Variants in FHIP2B observed in about 807,000 individuals in gnomAD.
The protein encoded by FHIP2B is FHF complex subunit HOOK interacting protein 2B, also known as FHF complex subunit HOOK-interacting protein 2B.
Under a neutral mutation model 84.0 loss-of-function variants are expected in FHIP2B, and 72 were observed. The ratio of observed to expected loss-of-function variants is 0.86; its 90% CI spans 0.71 to 1.04. The LOEUF is 1.04. Ranked by LOEUF, FHIP2B falls within the 50% of genes least tolerant of loss-of-function variation. The pLI is 0.00. For synonymous variants in FHIP2B, 497 were observed against 418.7 expected, an observed-to-expected ratio of 1.19 and a Z score of -2.28; for missense variants, 972 against 968.9, an observed-to-expected ratio of 1.00 and a Z score of -0.04.
chr8:22,098,264 C>G lies in FHIP2B; in HGVS notation c.722C>G (p.Thr241Arg). Residue 241 changes from threonine to arginine, a missense_variant, in exon 6 of 17, where the codon ACA (threonine) becomes AGA (arginine). Transcript: ENST00000289921. ...ACCGAGGAGCTGGACGGTGGGACCA[C>G]AGAGAGCAACCTGATTACCTCCCTG... ...AETEELDGGT[T>R]ESNLITSLLG... 1 of 1,588,800 alleles carries G rather than the reference C, an allele frequency of 6.3e-7. No individual in the cohort carries two copies. The highest frequency in any genetic ancestry group is 8.6e-7 in the Non-Finnish European group (1 of 1,168,950).
intron 13 of FHIP2B, 21 bp downstream of exon 13, chr8:22,101,551 G>A (rs1450380428): frequency 6.2e-7 from 1 of 1,603,948 alleles, no homozygotes; most frequent in South Asian, 1.1e-5. Flanking sequence ...CCTGCTACCA[G>A]CTCCCACTTC....
intron 3 of FHIP2B, 133 bp downstream of exon 3, chr8:22,096,642 AGGTGGGC>A: frequency 3.8e-6 from 5 of 1,314,176 alleles, no homozygotes; most frequent in Non-Finnish European, 5.0e-6. Context: ...GGCCAGGCTG[AGGTGGGC>A]GGTGGGCAGT....
intron 10 of FHIP2B, chr8:22,100,147 C>T (rs1826024758): frequency 2.1e-6 from 1 of 470,818 alleles, no homozygotes; most frequent in African/African-American, 2.1e-5. Context: ...TAACTCACTG[C>T]AGTCTCCAAC....
In FHIP2B at chr8:22,099,304, G is replaced by A. The variant is rs766671478; in HGVS notation, c.1095G>A (p.Ala365=). The change falls in exon 9 of 17, where the codon GCG becomes GCA. Residue 365 remains alanine (A), a synonymous_variant. Transcript: ENST00000289921. ...EAHTVVADAL[A]KAVAENFFVE... is the part of the protein sequence containing the mutation. ...CCCAGGTGGTTGCGGACGCCTTGGC[G>A]AAGGCTGTGGCTGAGAACTTCTTCG... 2.0e-5 allele frequency: 32 copies of A among 1,613,642 alleles called. No homozygotes were observed. Among genetic ancestry groups the A allele is most frequent in the Non-Finnish European group, 2.5e-5 (30 of 1,179,856 alleles).
rs1826243381 is a variant in FHIP2B at position 22,103,581 on chromosome 8, G to T, written c.*650G>T. 2 of 152,454 alleles carry T rather than the reference G, an allele frequency of 1.3e-5. No individual in the cohort carries two copies. Among genetic ancestry groups the T allele is most frequent in the Admixed American group, 1.3e-4 (2 of 15,292 alleles). 9.4% of individuals were successfully genotyped at this position (152,454 alleles called of 1,614,324 possible). A position where few individuals can be genotyped will look rare whatever the true frequency, so the allele number is the denominator to read the frequency against. On this transcript the variant is annotated 3_prime_UTR_variant, in exon 17 of 17. Coordinates refer to ENST00000289921, the MANE Select transcript of FHIP2B (RefSeq NM_022749.7). ...GGGGGCCCCTGCTAATGAGAACCTT[G>T]GTGCAGCTGCAGCCAGGAGGGGAGC...
Position 22,103,785 on chromosome 8 carries a change from C to T in FHIP2B, c.*854C>T, listed in dbSNP as rs1220738405. The T allele has an allele frequency of 6.6e-6, 1 of 152,486 alleles. No homozygotes were observed. The allele number at this position is 152,486 out of a possible 1,614,324, so 9.4% of individuals were successfully genotyped here. A position where few individuals can be genotyped will look rare whatever the true frequency, so the allele number is the denominator to read the frequency against. On this transcript the variant is annotated 3_prime_UTR_variant, in exon 17 of 17. Transcript: ENST00000289921. ...GACCCTTCTGGGGAGCCAGGGAGCT[C>T]AGGGGACAGATAAGGGAAGGACGCC...
intron 1 of FHIP2B, among the ~76,000 whole-genome samples, chr8:22,090,653 T>C (rs1825441907): frequency 6.6e-6 from 1 of 152,318 alleles, no homozygotes; most frequent in Non-Finnish European, 1.5e-5. Flanking sequence ...TATTTATTTA[T>C]TTATTTCTGA....
intron 16 of FHIP2B, 32 bp from the exon 17 acceptor site, chr8:22,102,761 C>G: frequency 6.2e-7 from 1 of 1,610,418 alleles, no homozygotes; most frequent in Non-Finnish European, 8.5e-7. Context: ...CTGCCCCCAC[C>G]CAGCCATGCC....
chr8:22,093,451 C>T (rs1825599523), intron 1 of FHIP2B, among the ~76,000 whole-genome samples: 2 of 151,994 alleles, frequency 1.3e-5, no homozygotes, highest in South Asian at 2.1e-4. Flanking sequence ...GGGGCTTGCC[C>T]AGAGCAGAAC....
In FHIP2B at chr8:22,099,140, G is replaced by A. The variant is rs771818555; in HGVS notation, c.1074+84G>A. On this transcript the variant is annotated intron_variant, in intron 8 of 16. Coordinates refer to ENST00000289921, the MANE Select transcript of FHIP2B (RefSeq NM_022749.7). ...CGAGGACCAAGTGGAGCAGGGACAT[G>A]GAAACATGGGGTCCAGGAGCTAAGC... The A allele has an allele frequency of 2.8e-4, 420 of 1,495,044 alleles. 1 individual carries two copies. The highest frequency in any genetic ancestry group is 3.8e-4 in the Non-Finnish European group (414 of 1,096,740). The allele number at this position is 1,495,044 out of a possible 1,614,324, so 92.6% of individuals were successfully genotyped here.
At chr8:22,094,394 C>G in intron 1 of FHIP2B, 46 bp from the exon 2 acceptor site, 1 of 1,548,082 alleles carries the variant, frequency 6.5e-7, no homozygotes, top group Non-Finnish European at 8.7e-7. Flanking sequence ...CAGGGGCTCC[C>G]TGGCCTTTGT....
chr8:22,094,649 G>A (rs192150966), intron 2 of FHIP2B, 131 bp downstream of exon 2: 443 of 1,520,378 alleles, frequency 2.9e-4, no homozygotes, highest in Middle Eastern at 3.4e-4. Flanking sequence ...CCGAGTTCAC[G>A]GAGACAGAGA....
intron 14 of FHIP2B, 133 bp downstream of exon 14, chr8:22,101,984 C>T: frequency 4.0e-6 from 6 of 1,498,222 alleles, no homozygotes; most frequent in East Asian, 4.9e-5. Flanking sequence ...AGGTGGGAAG[C>T]CCCGTCTCAC....
rs753738565 is a variant in FHIP2B at position 22,096,399 on chromosome 8, C to T, written c.187C>T (p.Leu63=). 28 of 1,558,458 alleles carry T rather than the reference C, an allele frequency of 1.8e-5. No homozygotes were observed. In the Admixed American group the frequency reaches 5.0e-4, roughly 28 times the overall value. The part of the protein sequence containing the change: ...PWRLKQMLDI[L]VYEEQQQAAA... ...GCGGCTGAAGCAGATGCTGGATATC[C>T]TGGTGTATGAAGAGCAGCAGCAGGC... The change falls in exon 3 of 17, where the codon CTG becomes TTG. Residue 63 remains leucine (L), a synonymous_variant. Transcript: ENST00000289921.
chr8:22,089,736 C>A, intron 1 of FHIP2B: 1 of 1,249,970 alleles, frequency 8.0e-7, no homozygotes, highest in Non-Finnish European at 1.0e-6. Context: ...AATCGCCGTC[C>A]CTTCCCCTCG....
intron 1 of FHIP2B, among the ~76,000 whole-genome samples, chr8:22,094,214 G>A (rs1216594698): frequency 2.0e-5 from 3 of 152,202 alleles, no homozygotes; most frequent in Non-Finnish European, 4.4e-5. Context: ...AGCATTTCCA[G>A]GAGGGAGGGG....
chr8:22,090,805 T>C (rs1341381086), intron 1 of FHIP2B, among the ~76,000 whole-genome samples: 1 of 151,874 alleles, frequency 6.6e-6, no homozygotes, highest in Non-Finnish European at 1.5e-5. Context: ...TTGTATTTTT[T>C]GTAGAGACAG....
chr8:22,103,582 G>A lies in FHIP2B; in HGVS notation c.*651G>A, dbSNP rs1305302831. 1.3e-5 allele frequency: 2 copies of A among 152,442 alleles called. No individual in the cohort carries two copies. Among genetic ancestry groups the A allele is most frequent in the African/African-American group, 4.8e-5 (2 of 41,480 alleles). 9.4% of individuals were successfully genotyped at this position (152,442 alleles called of 1,614,324 possible). On this transcript the variant is annotated 3_prime_UTR_variant, in exon 17 of 17. Transcript: ENST00000289921. ...GGGGCCCCTGCTAATGAGAACCTTG[G>A]TGCAGCTGCAGCCAGGAGGGGAGCG...
intron 1 of FHIP2B, chr8:22,089,619 G>T: frequency 2.4e-6 from 1 of 408,990 alleles, no homozygotes; most frequent in Admixed American, 3.6e-5. Flanking sequence ...CCCTGTCACC[G>T]CTTGGGGTGT....
Sources: gnomAD v4.1 joint callset for allele counts (sites outside exome capture counted in the v4.1 genomes callset) on GRCh38, gnomAD v4.1.1 for gene constraint, MANE v1.5 for transcripts, NCBI Gene and HGNC (gene_info 2026-07-23, HGNC 2026-07-21) for gene names.